The following CHST9 variants were observed in gnomAD, a reference collection of about 807,000 sequenced individuals.
CHST9 encodes the protein carbohydrate sulfotransferase 9.
CHST9 carries 41 observed loss-of-function variants against 44.4 expected under a neutral mutation model. The observed-to-expected ratio is 0.92, with a 90% CI of 0.72 to 1.20. The LOEUF is 1.20. Among genes scored for constraint, CHST9 ranks in the 50% most tolerant of loss-of-function variants. The pLI, the probability that CHST9 is intolerant of heterozygous loss-of-function variation, is 0.00. For synonymous variants in CHST9, 171 were observed against 178.4 expected (o/e 0.96, Z 0.33); for missense variants, 504 against 516.5 (o/e 0.98, Z 0.23).
intron 1 of CHST9, among the ~76,000 whole-genome samples, chr18:27,148,336 C>A: frequency 6.6e-6 from 1 of 151,530 alleles, no homozygotes; most frequent in Non-Finnish European, 1.5e-5. Context: ...ACACATGTGC[C>A]ATGTTGGTGT....
chr18:27,159,028 G>T (rs1178984722), intron 1 of CHST9, among the ~76,000 whole-genome samples: 1 of 152,206 alleles, frequency 6.6e-6, no homozygotes, highest in South Asian at 2.1e-4. Flanking sequence ...CAGATGAGCA[G>T]ATTGCAAAAA....
At chr18:27,031,714 C>T (rs1304843519) in intron 3 of CHST9, among the ~76,000 whole-genome samples, 1 of 152,224 alleles carries the variant, frequency 6.6e-6, no homozygotes, top group Non-Finnish European at 1.5e-5. Flanking sequence ...GAATTCTCTA[C>T]AAATTCTGAA....
intron 2 of CHST9, among the ~76,000 whole-genome samples, chr18:27,139,559 T>G (rs1468312984): frequency 2.0e-5 from 3 of 152,050 alleles, no homozygotes; most frequent in Non-Finnish European, 4.4e-5. Context: ...GAATTTCAAC[T>G]CACAGCACTA....
chr18:26,930,295 T>C (rs2055853905), intron 5 of CHST9, among the ~76,000 whole-genome samples: 1 of 152,122 alleles, frequency 6.6e-6, no homozygotes, highest in African/African-American at 2.4e-5. Context: ...GGGTTTCTTT[T>C]CAGGATTTCA....
At chr18:27,123,483 T>TA (rs1187656756) in intron 2 of CHST9, among the ~76,000 whole-genome samples, 1 of 152,002 alleles carries the variant, frequency 6.6e-6, no homozygotes, top group Non-Finnish European at 1.5e-5. Context: ...CATTTATAGA[T>TA]AAAAAATAGT....
At chr18:27,079,570 C>T (rs894122217) in intron 2 of CHST9, among the ~76,000 whole-genome samples, 21 of 151,970 alleles carry the variant, frequency 1.4e-4, no homozygotes, top group African/African-American at 4.1e-4. Context: ...ACCATATAGA[C>T]GAAAAAGTTT....
chr18:27,134,210 T>C (rs943283660), intron 2 of CHST9, among the ~76,000 whole-genome samples: 1 of 151,948 alleles, frequency 6.6e-6, no homozygotes, highest in African/African-American at 2.4e-5. Flanking sequence ...ATTATATCAG[T>C]CCAGTCTAGA....
chr18:27,162,190 T>G (rs1221795032), intron 1 of CHST9, among the ~76,000 whole-genome samples: 1 of 152,218 alleles, frequency 6.6e-6, no homozygotes, highest in Non-Finnish European at 1.5e-5. Flanking sequence ...GTTGATGCAG[T>G]TTCTTCCTAG....
At chr18:27,002,704 AT>A (rs1411553353) in intron 4 of CHST9, among the ~76,000 whole-genome samples, 1 of 152,170 alleles carries the variant, frequency 6.6e-6, no homozygotes, top group Admixed American at 6.5e-5. Flanking sequence ...TCAATTTATG[AT>A]GAGTTTAATG....
chr18:26,916,888 T>G lies in CHST9; in HGVS notation c.703A>C (p.Asn235His). ...SNWKRILMVL[N>H]GLASSAYNIS... ...TTGTATGCAGAGGAAGCCAATCCAT[T>G]TAGTACCATCAGAATTCTTTTCCAA... The change falls in exon 6 of 6, where the codon AAT becomes CAT. Residue 235 changes from asparagine (N) to histidine (H), a missense_variant. Coordinates refer to ENST00000618847, the MANE Select transcript of CHST9 (RefSeq NM_031422.6). 1 of 1,613,930 alleles carries G rather than the reference T, an allele frequency of 6.2e-7. No individual in the cohort carries two copies. The highest frequency in any genetic ancestry group is 8.5e-7 in the Non-Finnish European group (1 of 1,179,860).
At chr18:27,154,522 T>A (rs2058683469) in intron 1 of CHST9, among the ~76,000 whole-genome samples, 2 of 152,110 alleles carry the variant, frequency 1.3e-5, no homozygotes, top group African/African-American at 4.8e-5. Context: ...ATCACCCGGA[T>A]GTGGTGTGCA....
chr18:26,989,001 C>T (rs1051113975), intron 4 of CHST9, among the ~76,000 whole-genome samples: 2 of 151,740 alleles, frequency 1.3e-5, no homozygotes, highest in African/African-American at 4.8e-5. Flanking sequence ...AAACAGTACC[C>T]AGGAGGAATT....
chr18:26,943,904 GTTC>G (rs1217018464), intron 5 of CHST9, among the ~76,000 whole-genome samples: 2 of 152,206 alleles, frequency 1.3e-5, no homozygotes, highest in African/African-American at 4.8e-5. Context: ...TAGGGGGCCA[GTTC>G]TTAGCTGTTT....
intron 2 of CHST9, among the ~76,000 whole-genome samples, chr18:27,053,137 GAAGAAGAAGAAGAAGAAGAA>G (rs2057591283): frequency 1.2e-5 from 1 of 83,742 alleles, no homozygotes; most frequent in African/African-American, 4.6e-5. Flanking sequence ...AGAGGAAGAA[GAAGAAGAAGAAGAAGAAGAA>G]GAAGAAGAAG....
At chr18:27,169,317 C>T (rs997192287) in intron 1 of CHST9, among the ~76,000 whole-genome samples, 1 of 152,140 alleles carries the variant, frequency 6.6e-6, no homozygotes, top group African/African-American at 2.4e-5. Flanking sequence ...TAGATGATCA[C>T]TACACTTTGA....
intron 1 of CHST9, among the ~76,000 whole-genome samples, chr18:27,170,121 G>A (rs1006653758): frequency 1.7e-4 from 26 of 152,296 alleles, no homozygotes; most frequent in African/African-American, 6.3e-4. Flanking sequence ...AACACAGAGG[G>A]TATGCTGAGA....
intron 5 of CHST9, among the ~76,000 whole-genome samples, chr18:26,923,738 T>C (rs544169384): frequency 2.0e-5 from 3 of 152,346 alleles, no homozygotes; most frequent in South Asian, 4.1e-4. Flanking sequence ...ATTGATCTGA[T>C]GAAAATAAGC....
intron 4 of CHST9, among the ~76,000 whole-genome samples, chr18:26,973,632 G>A (rs957463957): frequency 4.3e-4 from 65 of 152,278 alleles, no homozygotes; most frequent in African/African-American, 1.4e-3. Flanking sequence ...TGTATTTTAC[G>A]TGTGGCTCAA....
Position 27,047,803 on chromosome 18 carries a change from C to T in CHST9, c.160+662G>A, listed in dbSNP as rs534617368. 2.0e-5 allele frequency among the ~76,000 whole-genome samples: 3 copies of T among 152,246 alleles called. No homozygotes were observed. The South Asian group carries it at 6.2e-4, about 32-fold the overall frequency. On this transcript the variant is annotated intron_variant, in intron 3 of 5. Transcript: ENST00000618847. Reference sequence around the variant, plus strand: ...TATGATTGTTGGCAATTTCTGGGCACTGTGAGCTGCAACACTGCTCCTATG... The same window carrying T: ...TATGATTGTTGGCAATTTCTGGGCATTGTGAGCTGCAACACTGCTCCTATG...
Sources: gnomAD v4.1 joint callset for allele counts (sites outside exome capture counted in the v4.1 genomes callset) on GRCh38, gnomAD v4.1.1 for gene constraint, MANE v1.5 for transcripts, NCBI Gene and HGNC (gene_info 2026-07-23, HGNC 2026-07-21) for gene names.